TMEM40: variants seen among roughly 807,000 people sequenced by gnomAD.
The protein encoded by TMEM40 is transmembrane protein 40.
In TMEM40, 34 loss-of-function variants were observed where a neutral mutation model predicts 40.8. The observed-to-expected ratio is 0.83, with a 90% CI of 0.63 to 1.11. TMEM40 has a LOEUF of 1.11. Ranked by LOEUF, TMEM40 falls within the 50% of genes least tolerant of loss-of-function variation. TMEM40 has a pLI of 0.00. For missense variants in TMEM40, 296 were observed against 280.2 expected (o/e 1.06, Z -0.40); for synonymous variants, 106 against 107.0 (o/e 0.99, Z 0.06).
rs1340017869 is a variant in TMEM40, at chr3:12,767,026, G to A, written c.-9+2225C>T. On this transcript the variant is annotated intron_variant, in intron 1 of 11. Coordinates refer to the TMEM40 transcript ENST00000264728. The stretch of plus-strand genomic sequence containing the variant: ...AGAGAGATGTCTGCGCCTGGGGAAG[G>A]GCCAGTCTCCAAAAAGGACCCTATG... Among the ~76,000 whole-genome samples the A allele has an allele frequency of 2.0e-5, 3 of 152,042 alleles. No individual in the cohort carries two copies. The East Asian group carries it at 5.8e-4, about 29-fold the overall frequency.
chr3:12,734,628 G>T lies in TMEM40; in HGVS notation c.*146C>A. 1 of 958,590 alleles carries T rather than the reference G, an allele frequency of 1.0e-6. No homozygotes were observed. Among genetic ancestry groups the T allele is most frequent in the South Asian group, 1.6e-5 (1 of 64,508 alleles). 59.4% of individuals were successfully genotyped at this position (958,590 alleles called of 1,614,324 possible). ...CTGCCCGGGCTGGTGCCAACATTCA[G>T]ACCACATGGAAGGAAAAGTGTTCTG... is the stretch of plus-strand genomic sequence containing the variant. On this transcript the variant is annotated 3_prime_UTR_variant, in exon 12 of 12. Transcript: ENST00000314124.
chr3:12,761,605 C>CAA (rs34133777), upstream of TMEM40, among the ~76,000 whole-genome samples: 92 of 145,830 alleles, frequency 6.3e-4, 1 homozygote, highest in East Asian at 1.4e-3. Flanking sequence ...GATCTCATCT[C>CAA]AAAAAAAAAA....
In TMEM40 at chr3:12,737,671, C is replaced by G. The variant is rs946540994; in HGVS notation, c.472+36G>C. On this transcript the variant is annotated intron_variant, in intron 8 of 11. Transcript: ENST00000314124. ...TTTCACCCCTAGAAATCTAGCCAGA[C>G]AGGAAAAAGCAGCTCTGCTACACCA... The G allele has an allele frequency of 2.5e-6, 4 of 1,609,292 alleles. No homozygotes were observed. The African/African-American group carries it at 5.3e-5, about 22-fold the overall frequency.
chr3:12,745,737 C>A (rs1178352733), intron 3 of TMEM40, among the ~76,000 whole-genome samples: 1 of 152,210 alleles, frequency 6.6e-6, no homozygotes, highest in Non-Finnish European at 1.5e-5. Flanking sequence ...GCGTGAGCCA[C>A]TGTGCCCAGC....
intron 1 of TMEM40, among the ~76,000 whole-genome samples, chr3:12,754,002 AT>A (rs1406252230): frequency 4.6e-5 from 7 of 152,104 alleles, no homozygotes; most frequent in African/African-American, 1.7e-4. Flanking sequence ...TTACTGTCGT[AT>A]TTTACAGAAG....
rs761682115 is a variant in TMEM40, at chr3:12,735,563, C to G, written c.674G>C (p.Arg225Thr). The G allele has an allele frequency of 6.2e-7, 1 of 1,613,696 alleles. No homozygotes were observed. The highest frequency in any genetic ancestry group is 1.3e-5 in the African/African-American group (1 of 75,002). Residue 225 changes from arginine (R) to threonine (T), a missense_variant, in exon 11 of 12, where the codon AGG becomes ACG. Arg to Thr is a moderately conservative substitution (Grantham distance 71). Transcript: ENST00000314124. ...QGFIPLFQKF[R>T]LTGFRKTD ...AAGACTTTAAAAGTTACCTGTCAGCCTAAACTTCTGGAAGAGGGGGATGAA... is the reference window on the plus strand; with the variant it reads ...AAGACTTTAAAAGTTACCTGTCAGCGTAAACTTCTGGAAGAGGGGGATGAA...
chr3:12,748,769 G>C lies in TMEM40; in HGVS notation c.97C>G (p.Gln33Glu). Residue 33 changes from glutamine to glutamate, a missense_variant, in exon 3 of 12, where the codon CAA becomes GAA. Gln to Glu is a conservative substitution (Grantham distance 29). Coordinates refer to ENST00000314124, the MANE Select transcript of TMEM40 (RefSeq NM_018306.4). ...GAAAAGAGTCCAGCCTTCCCATCTTGCTTGTGGAAATCTGTCTCTCCATCT... is the reference window on the plus strand; with the variant it reads ...GAAAAGAGTCCAGCCTTCCCATCTTCCTTGTGGAAATCTGTCTCTCCATCT... Reference protein sequence around the residue: ...VDYGETDFHKQDGKAGLFSQE... With the variant: ...VDYGETDFHKEDGKAGLFSQE... The C allele has an allele frequency of 6.2e-7, 1 of 1,614,080 alleles. No homozygotes were observed. The highest frequency in any genetic ancestry group is 8.5e-7 in the Non-Finnish European group (1 of 1,180,000).
chr3:12,749,185 C>T (rs905493544), intron 2 of TMEM40, among the ~76,000 whole-genome samples: 13 of 152,074 alleles, frequency 8.5e-5, no homozygotes, highest in African/African-American at 2.2e-4. Flanking sequence ...CCGCCACACC[C>T]GGCTAATTTT....
At chr3:12,760,235 C>T (rs1438228400), upstream of TMEM40, among the ~76,000 whole-genome samples, 1 of 152,156 alleles carries the variant, frequency 6.6e-6, no homozygotes, top group African/African-American at 2.4e-5. Flanking sequence ...TTCTCATCAG[C>T]CAGGCAGCCA....
chr3:12,764,879 T>G (rs1419106361), intron 1 of TMEM40, among the ~76,000 whole-genome samples: 1 of 152,124 alleles, frequency 6.6e-6, no homozygotes. Flanking sequence ...TTTTGTTTTT[T>G]GTTTTTTTTT....
At chr3:12,735,782 C>A (rs2061332913) in intron 10 of TMEM40, among the ~76,000 whole-genome samples, 165 bp from the exon 11 acceptor site, 1 of 152,234 alleles carries the variant, frequency 6.6e-6, no homozygotes, top group South Asian at 2.1e-4. Flanking sequence ...TTACTAAAAA[C>A]AACAACCACG....
intron 4 of TMEM40, 83 bp downstream of exon 4, chr3:12,743,817 G>T: frequency 7.5e-7 from 1 of 1,332,904 alleles, no homozygotes; most frequent in Non-Finnish European, 1.1e-6. Context: ...ACAATGCTGT[G>T]AAGAACATCA....
intron 1 of TMEM40, among the ~76,000 whole-genome samples, chr3:12,755,223 CT>C (rs2061513789): frequency 1.2e-5 from 1 of 85,732 alleles, no homozygotes; most frequent in Non-Finnish European, 2.2e-5. Context: ...TTCTCTCTCT[CT>C]CTCTCTCTCT....
chr3:12,756,556 C>T (rs752606513), intron 1 of TMEM40, among the ~76,000 whole-genome samples: 1 of 152,102 alleles, frequency 6.6e-6, no homozygotes, highest in Admixed American at 6.6e-5. Context: ...TTTGAGGCTC[C>T]ACTGACACAT....
At position 12,736,756 on chromosome 3, in the gene TMEM40, C is replaced by T. The variant is rs1216049790; in HGVS notation, c.544+8G>A. 6.2e-7 allele frequency: 1 copy of T among 1,614,140 alleles called. No individual in the cohort carries two copies. On this transcript the variant is annotated splice_region_variant and intron_variant, in intron 9 of 11. Coordinates refer to ENST00000314124, the MANE Select transcript of TMEM40 (RefSeq NM_018306.4). Reference sequence around the variant, plus strand: ...CCCTTGTGCATTCCCCAGGGCACCTCCCCTCACCTGCGTAATAGTGATAAC... The same window carrying T: ...CCCTTGTGCATTCCCCAGGGCACCTTCCCTCACCTGCGTAATAGTGATAAC...
At chr3:12,757,700 A>C (rs2061539563) in intron 1 of TMEM40, among the ~76,000 whole-genome samples, 1 of 152,220 alleles carries the variant, frequency 6.6e-6, no homozygotes, top group Non-Finnish European at 1.5e-5. Context: ...AAAAGGTTAA[A>C]AAAGATTTAC....
rs2106605005 is a variant in TMEM40 at position 12,736,660 on chromosome 3, G to A, written c.545-8C>T. The stretch of plus-strand genomic sequence containing the variant: ...CAAGAGACATGAACCAGTCTGGAAG[G>A]GCAGTGAGGGAGGGAATGGTCAGCC... On this transcript the variant is annotated splice_polypyrimidine_tract_variant and splice_region_variant and intron_variant, in intron 9 of 11. Coordinates refer to ENST00000314124, the MANE Select transcript of TMEM40 (RefSeq NM_018306.4). The A allele has an allele frequency of 6.2e-7, 1 of 1,609,096 alleles. No individual in the cohort carries two copies. The highest frequency in any genetic ancestry group is 1.1e-5 in the South Asian group (1 of 90,724).
chr3:12,760,537 C>T (rs1422053659), upstream of TMEM40, among the ~76,000 whole-genome samples: 1 of 152,088 alleles, frequency 6.6e-6, no homozygotes. Flanking sequence ...CCCCCGCTCA[C>T]TTCAGCTCTC....
intron 3 of TMEM40, 66 bp from the exon 4 acceptor site, chr3:12,744,055 C>A: frequency 6.7e-7 from 1 of 1,495,852 alleles, no homozygotes; most frequent in Non-Finnish European, 9.2e-7. Flanking sequence ...TGCGTTCATT[C>A]TGGTGGCCAT....
Sources: gnomAD v4.1 joint callset for allele counts (sites outside exome capture counted in the v4.1 genomes callset) on GRCh38, gnomAD v4.1.1 for gene constraint, MANE v1.5 for transcripts, NCBI Gene and HGNC (gene_info 2026-07-23, HGNC 2026-07-21) for gene names.